GANAB: variants seen among roughly 807,000 people sequenced by gnomAD.
GANAB encodes glucosidase II alpha subunit.
GANAB carries 35 observed loss-of-function variants against 129.9 expected under a neutral mutation model. The ratio of observed to expected loss-of-function variants is 0.27; its 90% CI spans 0.21 to 0.36. The LOEUF (loss-of-function observed/expected upper bound fraction) is 0.36. Ranked by LOEUF, GANAB falls within the 10% of genes least tolerant of loss-of-function variation. The pLI is 1.00. For synonymous variants in GANAB, 482 were observed against 451.8 expected (o/e 1.07, Z -0.85); for missense variants, 939 against 1,221.0 (o/e 0.77, Z 3.44).
At chr11:62,638,256 T>TA (rs1944038676) in intron 4 of GANAB, among the ~76,000 whole-genome samples, 1 of 152,096 alleles carries the variant, frequency 6.6e-6, no homozygotes. Flanking sequence ...TGGGTTCAAG[T>TA]AACCGTCCTG....
intron 4 of GANAB, 142 bp from the exon 5 acceptor site, chr11:62,635,142 G>C: frequency 1.9e-6 from 1 of 532,516 alleles, no homozygotes; most frequent in Non-Finnish European, 3.4e-6. Flanking sequence ...TTAATAAACA[G>C]AACCAAAGGG....
intron 9 of GANAB, 128 bp from the exon 10 acceptor site, chr11:62,631,311 C>T: frequency 1.3e-6 from 1 of 750,572 alleles, no homozygotes; most frequent in African/African-American, 1.7e-5. Context: ...TTCGGTAAGA[C>T]TAAACGGGGC....
rs770506502 is a variant in GANAB, at chr11:62,629,290, C to A, written c.1840G>T (p.Val614Leu). The part of the protein sequence containing the change: ...FFAGSQRFGA[V>L]WTGDNTAEWD... The stretch of plus-strand genomic sequence containing the variant: ...TCGGCAGTGTTGTCCCCTGTCCACA[C>A]GGCTCCTGAGGAAGACAAGAAGTGG... The change falls in exon 16 of 24, where the codon GTG (valine) becomes TTG (leucine). Residue 614 changes from valine (V) to leucine (L), a missense_variant. Coordinates refer to ENST00000356638, the MANE Select transcript of GANAB (RefSeq NM_198334.3). 3 of 1,607,296 alleles carry A rather than the reference C, an allele frequency of 1.9e-6. No homozygotes were observed. The highest frequency in any genetic ancestry group is 4.5e-5 in the East Asian group (2 of 44,834).
intron 17 of GANAB, among the ~76,000 whole-genome samples, chr11:62,628,404 G>C (rs1943504756): frequency 6.6e-6 from 1 of 151,622 alleles, no homozygotes; most frequent in African/African-American, 2.4e-5. Context: ...GTAGAGATGG[G>C]GTTTTGCCAT....
intron 17 of GANAB, 147 bp from the exon 18 acceptor site, chr11:62,627,500 G>A: frequency 1.7e-6 from 1 of 599,084 alleles, no homozygotes. Context: ...GGGAGGCCGA[G>A]GCGGGAAGAT....
At position 62,639,079 on chromosome 11, in the gene GANAB, T is replaced by C. The variant is rs1392032530; in HGVS notation, c.284A>G (p.Gln95Arg). The C allele has an allele frequency of 1.9e-6, 3 of 1,613,924 alleles. No homozygotes were observed. The highest frequency in any genetic ancestry group is 2.2e-5 in the East Asian group (1 of 44,888). The change falls in exon 4 of 24, where the codon CAA becomes CGA. Residue 95 changes from glutamine (Q) to arginine (R), a missense_variant. Around this residue, in one of 5 missense-constraint regions of GANAB, gnomAD observed 321 missense variants for 329.1 expected, o/e 0.98. Transcript: ENST00000356638. The stretch of plus-strand genomic sequence containing the variant: ...AATCCTGAACCGAGTCATGTTCTTT[T>C]GAAGCCCCTGAAGCTCTAGCACCAG... ...VLLVLELQGL[Q>R]KNMTRFRIDE...
chr11:62,639,226 AG>A, intron 3 of GANAB, 116 bp from the exon 4 acceptor site: 1 of 1,336,012 alleles, frequency 7.5e-7, no homozygotes, highest in Admixed American at 1.8e-5. Context: ...CTAAAGGCCA[AG>A]ATCACATTTC....
At chr11:62,637,366 G>A (rs965325509) in intron 4 of GANAB, among the ~76,000 whole-genome samples, 4 of 152,134 alleles carry the variant, frequency 2.6e-5, no homozygotes, top group Admixed American at 1.3e-4. Flanking sequence ...GGCAGATCAC[G>A]ATGTCAGGAG....
At chr11:62,641,779 C>T (rs1023231378) in intron 1 of GANAB, among the ~76,000 whole-genome samples, 3 of 152,032 alleles carry the variant, frequency 2.0e-5, no homozygotes, top group African/African-American at 7.2e-5. Flanking sequence ...GGAGTTTCAC[C>T]ATGTTGGCCA....
Position 62,639,734 on chromosome 11 carries a change from A to C in GANAB, c.39-3T>G, listed in dbSNP as rs112289786. On this transcript the variant is annotated splice_region_variant and splice_polypyrimidine_tract_variant and intron_variant, in intron 1 of 23. Transcript: ENST00000356638. ...CCAGTACCAAAGACGCCCAAGACCT[A>C]AGGAGAAAAGGACAAAGACAGAGCA... The C allele has an allele frequency of 6.2e-7, 1 of 1,601,266 alleles. No homozygotes were observed. The highest frequency in any genetic ancestry group is 8.6e-7 in the Non-Finnish European group (1 of 1,168,310).
chr11:62,639,609 C>T lies in GANAB; in HGVS notation c.143+18G>A, dbSNP rs765400225. 43 of 1,565,932 alleles carry T rather than the reference C, an allele frequency of 2.7e-5. No individual in the cohort carries two copies. Among genetic ancestry groups the T allele is most frequent in the Non-Finnish European group, 3.8e-5 (43 of 1,136,170 alleles). On this transcript the variant is annotated intron_variant, in intron 2 of 23. Coordinates refer to ENST00000356638, the MANE Select transcript of GANAB (RefSeq NM_198334.3). ...CTACAACCCTACATTCCATCCCTCT[C>T]CCCCAGAAATATCATACTTGCAGAA...
intron 8 of GANAB, 28 bp from the exon 9 acceptor site, chr11:62,632,773 G>A (rs754383149): frequency 6.3e-7 from 1 of 1,589,340 alleles, no homozygotes; most frequent in Non-Finnish European, 8.6e-7. Context: ...GACTTGGGCT[G>A]CTAACTGGCC....
rs775532479 is a variant in GANAB at position 62,627,305 on chromosome 11, A to G, written c.2229T>C (p.Asp743=). ...ATTTCTCACCAAGCAAGTACTGATC[A>G]TCTATATTGAAGGTAGTCACATCCT... The part of the protein sequence containing the change: ...YPQDVTTFNI[D]DQYLLGDALL... Residue 743 remains aspartate (D), a synonymous_variant, in exon 18 of 24, where the codon GAT becomes GAC. Coordinates refer to ENST00000356638, the MANE Select transcript of GANAB (RefSeq NM_198334.3). The G allele has an allele frequency of 5.8e-5, 91 of 1,579,952 alleles. No homozygotes were observed. Among genetic ancestry groups the G allele is most frequent in the Non-Finnish European group, 7.6e-5 (87 of 1,148,932 alleles).
chr11:62,625,798 C>A lies in GANAB; in HGVS notation c.*17G>T. 1 of 1,504,494 alleles carries A rather than the reference C, an allele frequency of 6.6e-7. No homozygotes were observed. The highest frequency in any genetic ancestry group is 9.3e-7 in the Non-Finnish European group (1 of 1,080,872). 93.2% of individuals were successfully genotyped at this position (1,504,494 alleles called of 1,614,324 possible). A position where few individuals can be genotyped will look rare whatever the true frequency, so the allele number is the denominator to read the frequency against. ...AATGCTCCCCTTCCCTCCCCCTAACCCAGAACATCCCTTGGGTTATCGCAG... is the reference window on the plus strand; with the variant it reads ...AATGCTCCCCTTCCCTCCCCCTAACACAGAACATCCCTTGGGTTATCGCAG... On this transcript the variant is annotated 3_prime_UTR_variant, in exon 24 of 24. Coordinates refer to ENST00000356638, the MANE Select transcript of GANAB (RefSeq NM_198334.3).
intron 4 of GANAB, among the ~76,000 whole-genome samples, chr11:62,638,176 C>T (rs1292996706): frequency 1.3e-5 from 2 of 152,112 alleles, no homozygotes; most frequent in African/African-American, 4.8e-5. Flanking sequence ...GTATTTGAGA[C>T]GGAGTCTCAC....
rs764219875 is a variant in GANAB, at chr11:62,639,722, C to T, written c.48G>A (p.Ala16=). Residue 16 remains alanine, a synonymous_variant, in exon 2 of 24, where the codon GCG becomes GCA. Coordinates refer to ENST00000356638, the MANE Select transcript of GANAB (RefSeq NM_198334.3). The part of the protein sequence containing the change: ...AVAARRRRSW[A]SLVLAFLGVC... Reference sequence around the variant, plus strand: ...CCCCTAAAAAAGCCAGTACCAAAGACGCCCAAGACCTAAGGAGAAAAGGAC... The same window carrying T: ...CCCCTAAAAAAGCCAGTACCAAAGATGCCCAAGACCTAAGGAGAAAAGGAC... The T allele has an allele frequency of 3.5e-5, 57 of 1,611,970 alleles. No individual in the cohort carries two copies. Among genetic ancestry groups the T allele is most frequent in the Non-Finnish European group, 4.2e-5 (50 of 1,178,244 alleles).
Position 62,646,585 on chromosome 11 carries a change from C to G in GANAB, c.15G>C (p.Ala5=), listed in dbSNP as rs768662005. The G allele has an allele frequency of 1.2e-6, 2 of 1,613,780 alleles. No individual in the cohort carries two copies. Among genetic ancestry groups the G allele is most frequent in the African/African-American group, 1.3e-5 (1 of 74,942 alleles). The change falls in exon 1 of 24, where the codon GCG becomes GCC. Residue 5 remains alanine, a synonymous_variant. Coordinates refer to ENST00000356638, the MANE Select transcript of GANAB (RefSeq NM_198334.3). ...ACCGCCTCCTACGCGCCGCCACTGC[C>G]GCTACCGCCGCCATCTTGTGCAGAG... MAAV[A]AVAARRRRSW... is the part of the protein sequence containing the mutation.
At position 62,629,179 on chromosome 11, in the gene GANAB, TCCTC is replaced by T; in HGVS notation, c.1936+11_1936+14del. The T allele has an allele frequency of 1.3e-6, 2 of 1,591,846 alleles. No individual in the cohort carries two copies. The highest frequency in any genetic ancestry group is 8.6e-7 in the Non-Finnish European group (1 of 1,160,198). ...TTCCCACCAAACCAAGACCCCAAATTCCTCCCTGTCTTACCCCCACAGAAGGAAA... is the reference window on the plus strand; with the variant it reads ...TTCCCACCAAACCAAGACCCCAAATTCCTGTCTTACCCCCACAGAAGGAAA... On this transcript the variant is annotated intron_variant, in intron 16 of 23. Coordinates refer to ENST00000356638, the MANE Select transcript of GANAB (RefSeq NM_198334.3).
chr11:62,633,139 G>T, intron 7 of GANAB, 38 bp from the exon 8 acceptor site: 1 of 1,599,590 alleles, frequency 6.3e-7, no homozygotes, highest in Non-Finnish European at 8.6e-7. Flanking sequence ...GCTTCTGCTT[G>T]GAAAGGAGCC....
Sources: allele counts gnomAD v4.1 joint callset (sites outside exome capture counted in the v4.1 genomes callset), GRCh38; gene constraint gnomAD v4.1.1; regional missense constraint gnomAD v4.1.1; transcripts MANE v1.5; gene names NCBI Gene and HGNC (gene_info 2026-07-23, HGNC 2026-07-21).